PIGB: variants seen among roughly 807,000 people sequenced by gnomAD.
PIGB encodes phosphatidylinositol glycan anchor biosynthesis class B.
In PIGB, 58 loss-of-function variants were observed where a neutral mutation model predicts 68.4. The ratio of observed to expected loss-of-function variants is 0.85; its 90% CI spans 0.69 to 1.06. The LOEUF (loss-of-function observed/expected upper bound fraction) is 1.06, where lower values mean the gene tolerates loss of function less well. Ranked by LOEUF, PIGB falls within the 50% of genes least tolerant of loss-of-function variation. The pLI is 0.00. For synonymous variants in PIGB, 219 were observed against 220.5 expected (o/e 0.99, Z 0.06); for missense variants, 634 against 655.8 (o/e 0.97, Z 0.36).
At chr15:55,343,087 C>G (rs2055708885) in intron 9 of PIGB, 1 of 152,040 alleles carries the variant, frequency 6.6e-6, no homozygotes, top group African/African-American at 2.4e-5. Context: ...ACATCAACTC[C>G]TACAGATCTG....
intron 3 of PIGB, among the ~76,000 whole-genome samples, chr15:55,327,161 T>C (rs1318897833): frequency 6.7e-6 from 1 of 148,712 alleles, no homozygotes; most frequent in Admixed American, 6.7e-5. Context: ...TGTGTATATA[T>C]GTCATATATA....
At chr15:55,330,190 AG>A in intron 5 of PIGB, among the ~76,000 whole-genome samples, 1 of 152,336 alleles carries the variant, frequency 6.6e-6, no homozygotes, top group African/African-American at 2.4e-5. Flanking sequence ...ATCTATAAAA[AG>A]CTGTAATTGT....
In PIGB at chr15:55,333,856, T is replaced by C; in HGVS notation, c.654-11T>C. ...TTCCCACTTGTCTTATCACACATTT[T>C]CCTCTTATAGTGTCAAATACTCATC... On this transcript the variant is annotated splice_polypyrimidine_tract_variant and intron_variant, in intron 5 of 11. Coordinates refer to ENST00000164305, the MANE Select transcript of PIGB (RefSeq NM_004855.5). 1 of 1,536,418 alleles carries C rather than the reference T, an allele frequency of 6.5e-7. No individual in the cohort carries two copies. The highest frequency in any genetic ancestry group is 8.8e-7 in the Non-Finnish European group (1 of 1,140,038).
intron 4 of PIGB, among the ~76,000 whole-genome samples, chr15:55,328,799 C>T (rs1014939983): frequency 3.9e-5 from 6 of 152,150 alleles, no homozygotes; most frequent in Non-Finnish European, 7.3e-5. Context: ...AACCCTGTCT[C>T]TACTAAAAAT....
chr15:55,341,901 A>C, intron 9 of PIGB, 99 bp downstream of exon 9: 1 of 450,026 alleles, frequency 2.2e-6, no homozygotes, highest in Non-Finnish European at 3.9e-6. Flanking sequence ...TAGGTTAATA[A>C]GGAATTACTT....
chr15:55,325,185 G>T (rs756550556), intron 3 of PIGB, among the ~76,000 whole-genome samples: 3 of 151,968 alleles, frequency 2.0e-5, no homozygotes, highest in Non-Finnish European at 4.4e-5. Context: ...AATTATACAG[G>T]CATGGTGGCG....
chr15:55,343,988 T>C lies in PIGB; in HGVS notation c.1123+2186T>C, dbSNP rs2055732834. 2.0e-5 allele frequency among the ~76,000 whole-genome samples: 3 copies of C among 152,212 alleles called. No homozygotes were observed. In the South Asian group the frequency reaches 6.2e-4, roughly 32 times the overall value. ...AGTTCTCTTTGGAGCTCTTGATGTT[T>C]TAGTGACCCAGTTTGAATCTTTCCT... On this transcript the variant is annotated intron_variant, in intron 9 of 11. Coordinates refer to ENST00000164305, the MANE Select transcript of PIGB (RefSeq NM_004855.5).
At position 55,342,444 on chromosome 15, in the gene PIGB, G is replaced by A. The variant is rs1036866753; in HGVS notation, c.1123+642G>A. Among the ~76,000 whole-genome samples the A allele has an allele frequency of 2.0e-5, 3 of 152,170 alleles. 1 individual carries two copies. The highest frequency in any genetic ancestry group is 4.4e-5 in the Non-Finnish European group (3 of 68,034). ...CTCACTCTGCTGCCCAGGCTGGAGT[G>A]CAGTGGCACGATCTTGGCTCACTGC... On this transcript the variant is annotated intron_variant, in intron 9 of 11. Coordinates refer to ENST00000164305, the MANE Select transcript of PIGB (RefSeq NM_004855.5).
At chr15:55,334,100 C>A in intron 6 of PIGB, 93 bp downstream of exon 6, 1 of 854,278 alleles carries the variant, frequency 1.2e-6, no homozygotes, top group Non-Finnish European at 1.7e-6. Flanking sequence ...ATTATTTTAT[C>A]TTCTAATGTC....
chr15:55,334,529 C>G (rs2055492163), intron 6 of PIGB, among the ~76,000 whole-genome samples: 1 of 152,074 alleles, frequency 6.6e-6, no homozygotes, highest in Non-Finnish European at 1.5e-5. Flanking sequence ...TCCCAAGTAT[C>G]TAGTAGACTA....
At chr15:55,331,041 G>T (rs941568130) in intron 5 of PIGB, among the ~76,000 whole-genome samples, 1 of 152,172 alleles carries the variant, frequency 6.6e-6, no homozygotes, top group East Asian at 1.9e-4. Flanking sequence ...TTTGGGGAAT[G>T]GACTGTTTTG....
chr15:55,349,967 G>A (rs1403417343), intron 9 of PIGB: 2 of 152,150 alleles, frequency 1.3e-5, no homozygotes, highest in African/African-American at 4.8e-5. Flanking sequence ...AGAGGGGAGA[G>A]AGACTTTTAC....
chr15:55,345,385 G>A (rs1297075219), intron 9 of PIGB, among the ~76,000 whole-genome samples: 1 of 152,058 alleles, frequency 6.6e-6, no homozygotes, highest in Non-Finnish European at 1.5e-5. Flanking sequence ...CCACTTAAAG[G>A]TCTTTGTTTT....
At chr15:55,335,249 A>C (rs1309507489) in intron 6 of PIGB, among the ~76,000 whole-genome samples, 1 of 152,194 alleles carries the variant, frequency 6.6e-6, no homozygotes, top group African/African-American at 2.4e-5. Flanking sequence ...CCCCATTGTT[A>C]AGCAATGCAT....
At chr15:55,340,852 A>C (rs773300382) in intron 8 of PIGB, 29 bp downstream of exon 8, 3 of 1,356,904 alleles carry the variant, frequency 2.2e-6, no homozygotes, top group Non-Finnish European at 3.0e-6. Context: ...AAAAGGCTAA[A>C]ATTTTTTATG....
At chr15:55,337,010 A>C (rs2055552390) in intron 6 of PIGB, among the ~76,000 whole-genome samples, 1 of 152,230 alleles carries the variant, frequency 6.6e-6, no homozygotes, top group Non-Finnish European at 1.5e-5. Context: ...CCTTACATCC[A>C]GATTATATAT....
intron 5 of PIGB, among the ~76,000 whole-genome samples, chr15:55,331,431 T>A (rs2055410873): frequency 6.6e-6 from 1 of 152,056 alleles, no homozygotes; most frequent in African/African-American, 2.4e-5. Flanking sequence ...ATGCAACTAT[T>A]GGCCGGGTGT....
chr15:55,321,250 C>A, intron 2 of PIGB, 23 bp from the exon 3 acceptor site: 6 of 1,534,566 alleles, frequency 3.9e-6, no homozygotes, highest in Non-Finnish European at 3.5e-6. Context: ...TATTATTGGA[C>A]ATTTACTCCT....
chr15:55,350,374 T>C, intron 9 of PIGB: 2 of 278,130 alleles, frequency 7.2e-6, no homozygotes, highest in Non-Finnish European at 1.3e-5. Context: ...GGACATTTTT[T>C]CTAACACTTG....
Sources: gnomAD v4.1 joint callset for allele counts (sites outside exome capture counted in the v4.1 genomes callset) on GRCh38, gnomAD v4.1.1 for gene constraint, MANE v1.5 for transcripts, NCBI Gene and HGNC (gene_info 2026-07-23, HGNC 2026-07-21) for gene names.